AKAP3: variants seen among roughly 807,000 people sequenced by gnomAD.
The protein encoded by AKAP3 is A-kinase anchor protein 3.
In AKAP3, 27 loss-of-function variants were observed where a neutral mutation model predicts 57.2. The ratio of observed to expected loss-of-function variants is 0.47; its 90% CI spans 0.35 to 0.65. The LOEUF (loss-of-function observed/expected upper bound fraction) is 0.65. Ranked by LOEUF, AKAP3 falls within the 30% of genes least tolerant of loss-of-function variation. The pLI is 0.01. For synonymous variants in AKAP3, 334 were observed against 392.3 expected (o/e 0.85, Z 1.76); for missense variants, 959 against 1,040.0 (o/e 0.92, Z 1.07).
chr12:4,627,379 T>C lies in AKAP3; in HGVS notation c.1523A>G (p.Tyr508Cys). Residue 508 changes from tyrosine to cysteine, a missense_variant, in exon 5 of 6, where the codon TAT (tyrosine) becomes TGT (cysteine). Tyr to Cys is a radical substitution (Grantham distance 194). Transcript: ENST00000228850. ...AAAATTCTCAGGTTTCTCTGGAGGA[T>C]ATGGAGGAAGGCTGAGGTTGCCAAT... ...EDIGNLSLPP[Y>C]PPEKPENFMY... 1 of 1,614,014 alleles carries C rather than the reference T, an allele frequency of 6.2e-7. No homozygotes were observed. Among genetic ancestry groups the C allele is most frequent in the South Asian group, 1.1e-5 (1 of 91,068 alleles).
intron 4 of AKAP3, 47 bp downstream of exon 4, chr12:4,638,054 A>G (rs1463125714): frequency 7.0e-7 from 1 of 1,431,868 alleles, no homozygotes. Flanking sequence ...TCTTAATGAC[A>G]GCCCCCATAT....
In AKAP3 at chr12:4,627,701, C is replaced by G. The variant is rs776126057; in HGVS notation, c.1201G>C (p.Ala401Pro). ...PEHVRKAQDK[A>P]ESYSLISMKG... ...ATGGAGATGAGGGAATAACTCTCAG[C>G]CTTGTCTTGGGCTTTCCTGACATGC... The change falls in exon 5 of 6, where the codon GCT becomes CCT. Residue 401 changes from alanine to proline, a missense_variant. Coordinates refer to ENST00000228850, the MANE Select transcript of AKAP3 (RefSeq NM_001278309.2). The G allele has an allele frequency of 1.2e-6, 2 of 1,614,124 alleles. No individual in the cohort carries two copies. Among genetic ancestry groups the G allele is most frequent in the Non-Finnish European group, 1.7e-6 (2 of 1,180,026 alleles).
At chr12:4,619,678 G>T (rs1262078416) in intron 5 of AKAP3, among the ~76,000 whole-genome samples, 1 of 152,178 alleles carries the variant, frequency 6.6e-6, no homozygotes, top group Non-Finnish European at 1.5e-5. Context: ...CTGCCCAAGA[G>T]AAATGAAAAC....
chr12:4,628,926 T>C, intron 4 of AKAP3, 121 bp from the exon 5 acceptor site: 1 of 996,124 alleles, frequency 1.0e-6, no homozygotes, highest in Admixed American at 2.8e-5. Flanking sequence ...ATCTTGGCAA[T>C]AAAAGTAACC....
chr12:4,640,560 A>G (rs1011378148), intron 3 of AKAP3, among the ~76,000 whole-genome samples: 1 of 152,240 alleles, frequency 6.6e-6, no homozygotes, highest in African/African-American at 2.4e-5. Context: ...AACTTATATA[A>G]GTGGATATGT....
At chr12:4,642,120 C>G (rs1214420193) in intron 2 of AKAP3, 116 bp from the exon 3 acceptor site, 2 of 152,144 alleles carry the variant, frequency 1.3e-5, no homozygotes, top group Admixed American at 1.3e-4. Context: ...AAGTAATGAG[C>G]TCAAAATGAC....
Position 4,618,930 on chromosome 12 carries a change from T to A in AKAP3, c.2407-3036A>T, listed in dbSNP as rs550793217. Among the ~76,000 whole-genome samples, 121 of 152,346 alleles carry A rather than the reference T, an allele frequency of 7.9e-4. 1 individual carries two copies. The South Asian group carries it at 8.9e-3, about 11-fold the overall frequency. On this transcript the variant is annotated intron_variant, in intron 5 of 5. Transcript: ENST00000228850. ...TGCAAAAATATATCAGATAAAGGAC[T>A]TGTATCCAGAATACATAAAAGAGCT...
At chr12:4,622,864 AT>A (rs111979327) in intron 5 of AKAP3, among the ~76,000 whole-genome samples, 1 of 152,180 alleles carries the variant, frequency 6.6e-6, no homozygotes, top group Non-Finnish European at 1.5e-5. Context: ...GGAAGGAAAT[AT>A]TTGCAAACTA....
intron 4 of AKAP3, among the ~76,000 whole-genome samples, chr12:4,633,484 G>A (rs963201921): frequency 6.6e-6 from 1 of 152,032 alleles, no homozygotes; most frequent in East Asian, 1.9e-4. Flanking sequence ...TAATCCAACT[G>A]TAGTGACTGA....
chr12:4,645,870 A>T (rs1242072376), intron 1 of AKAP3: 1 of 152,206 alleles, frequency 6.6e-6, no homozygotes, highest in Non-Finnish European at 1.5e-5. Context: ...CACTTAAAGC[A>T]GCAGAGTAAG....
At chr12:4,618,769 C>T (rs1945314383) in intron 5 of AKAP3, among the ~76,000 whole-genome samples, 1 of 152,184 alleles carries the variant, frequency 6.6e-6, no homozygotes, top group East Asian at 1.9e-4. Flanking sequence ...GGTAGGCAAA[C>T]ATTTGTTATG....
intron 1 of AKAP3, among the ~76,000 whole-genome samples, chr12:4,646,051 T>C (rs919254904): frequency 1.3e-5 from 2 of 152,176 alleles, no homozygotes; most frequent in Non-Finnish European, 2.9e-5. Flanking sequence ...TTTTAGGATA[T>C]TTTGCCTAAA....
chr12:4,617,355 G>A (rs1019430353), intron 5 of AKAP3, among the ~76,000 whole-genome samples: 4 of 152,210 alleles, frequency 2.6e-5, no homozygotes, highest in African/African-American at 9.6e-5. Context: ...AGAGAAGGAC[G>A]ATGATATCAG....
intron 4 of AKAP3, among the ~76,000 whole-genome samples, chr12:4,637,516 T>C (rs1171019956): frequency 6.6e-6 from 1 of 152,216 alleles, no homozygotes; most frequent in Non-Finnish European, 1.5e-5. Context: ...TCCTCTTTTA[T>C]GCCTTTTAGT....
At chr12:4,623,282 G>C (rs1945367321) in intron 5 of AKAP3, among the ~76,000 whole-genome samples, 1 of 152,088 alleles carries the variant, frequency 6.6e-6, no homozygotes, top group Non-Finnish European at 1.5e-5. Context: ...AATATAAATT[G>C]TTTTACCATA....
Position 4,621,345 on chromosome 12 carries a change from C to T in AKAP3, c.2406+5151G>A, listed in dbSNP as rs183134866. 5.5e-4 allele frequency among the ~76,000 whole-genome samples: 84 copies of T among 152,234 alleles called. 1 individual carries two copies. The highest frequency in any genetic ancestry group is 1.9e-3 in the African/African-American group (77 of 41,552). Reference sequence around the variant, plus strand: ...AAATATACAGTTTTTATGAAGTCTACAGTAGTGAACAGTAATGTCCTAGGC... The same window carrying T: ...AAATATACAGTTTTTATGAAGTCTATAGTAGTGAACAGTAATGTCCTAGGC... On this transcript the variant is annotated intron_variant, in intron 5 of 5. Coordinates refer to ENST00000228850, the MANE Select transcript of AKAP3 (RefSeq NM_001278309.2).
chr12:4,616,029 T>A, intron 5 of AKAP3, 135 bp from the exon 6 acceptor site: 2 of 1,054,350 alleles, frequency 1.9e-6, no homozygotes, highest in South Asian at 1.7e-5. Flanking sequence ...TTTGCTGGCC[T>A]GTTTAACAGA....
At chr12:4,620,042 A>G (rs1945327729) in intron 5 of AKAP3, among the ~76,000 whole-genome samples, 1 of 152,260 alleles carries the variant, frequency 6.6e-6, no homozygotes, top group Non-Finnish European at 1.5e-5. Context: ...AATAGCCTAT[A>G]AAATTCTGAG....
At chr12:4,636,253 A>G in intron 4 of AKAP3, 1 of 425,838 alleles carries the variant, frequency 2.3e-6, no homozygotes, top group South Asian at 2.4e-5. Flanking sequence ...GAGGTAAAGA[A>G]ACCTCAGACG....
Sources: gnomAD v4.1 joint callset for allele counts (sites outside exome capture counted in the v4.1 genomes callset) on GRCh38, gnomAD v4.1.1 for gene constraint, MANE v1.5 for transcripts, NCBI Gene and HGNC (gene_info 2026-07-23, HGNC 2026-07-21) for gene names.